The following ALMS1 variants were observed in gnomAD, a reference collection of about 807,000 sequenced individuals.
The protein encoded by ALMS1 is centrosome-associated protein ALMS1.
A neutral mutation model predicts 352.2 loss-of-function variants in ALMS1; 271 were observed. The ratio of observed to expected loss-of-function variants is 0.77; its 90% CI spans 0.70 to 0.85. The LOEUF (loss-of-function observed/expected upper bound fraction) is 0.85, where lower values mean the gene tolerates loss of function less well. Among genes scored for constraint, ALMS1 ranks in the 40% least tolerant of loss-of-function variants. The pLI is 0.00. For missense variants in ALMS1, 5,445 were observed against 4,870.7 expected, an observed-to-expected ratio of 1.12 and a Z score of -3.51; for synonymous variants, 1,865 against 1,761.2, an observed-to-expected ratio of 1.06 and a Z score of -1.48.
intron 16 of ALMS1, among the ~76,000 whole-genome samples, chr2:73,580,792 G>T (rs1351145326): frequency 6.6e-6 from 1 of 152,162 alleles, no homozygotes; most frequent in Admixed American, 6.5e-5. Context: ...TGTTTGTAAC[G>T]ACTGTACTCT....
intron 15 of ALMS1, among the ~76,000 whole-genome samples, chr2:73,570,301 A>G (rs536043450): frequency 6.6e-6 from 1 of 152,330 alleles, no homozygotes; most frequent in African/African-American, 2.4e-5. Flanking sequence ...TGAAATGCAA[A>G]TTTGAAAATA....
At chr2:73,485,795 G>A (rs1057125474) in intron 9 of ALMS1, among the ~76,000 whole-genome samples, 2 of 152,118 alleles carry the variant, frequency 1.3e-5, no homozygotes, top group African/African-American at 4.8e-5. Flanking sequence ...TTTTTAAGCC[G>A]GTTGGAAAAG....
chr2:73,574,987 A>G (rs1225111618), intron 16 of ALMS1, among the ~76,000 whole-genome samples: 1 of 152,100 alleles, frequency 6.6e-6, no homozygotes, highest in Non-Finnish European at 1.5e-5. Context: ...GGATTTTCCT[A>G]TTCTGGTTGT....
At chr2:73,600,613 T>G in intron 17 of ALMS1, 65 bp from the exon 18 acceptor site, 1 of 1,460,450 alleles carries the variant, frequency 6.8e-7, no homozygotes, top group African/African-American at 1.4e-5. Context: ...ACGTACTCAC[T>G]TGAATAAATC....
At chr2:73,509,737 T>C (rs193081885) in intron 10 of ALMS1, among the ~76,000 whole-genome samples, 1 of 152,322 alleles carries the variant, frequency 6.6e-6, no homozygotes, top group African/African-American at 2.4e-5. Context: ...ATTATGTGTT[T>C]TGGGGTTGCT....
At chr2:73,395,036 A>G (rs946106557) in intron 1 of ALMS1, among the ~76,000 whole-genome samples, 34 of 105,368 alleles carry the variant, frequency 3.2e-4, no homozygotes, top group Admixed American at 7.8e-4. Flanking sequence ...GTGTATATAT[A>G]TGTGTGTGTA....
At chr2:73,586,348 G>A (rs1043277221) in intron 16 of ALMS1, among the ~76,000 whole-genome samples, 66 of 152,080 alleles carry the variant, frequency 4.3e-4, no homozygotes, top group African/African-American at 1.2e-3. Flanking sequence ...AGTTTTTCCA[G>A]TGTTATCTTA....
chr2:73,506,830 G>C (rs1431559959), intron 10 of ALMS1, among the ~76,000 whole-genome samples: 2 of 152,178 alleles, frequency 1.3e-5, no homozygotes, highest in South Asian at 2.1e-4. Context: ...AATAGCAGTG[G>C]TGAGAGGCCA....
intron 10 of ALMS1, among the ~76,000 whole-genome samples, chr2:73,493,419 AC>A (rs1673033503): frequency 6.6e-6 from 1 of 151,200 alleles, no homozygotes; most frequent in South Asian, 2.1e-4. Flanking sequence ...TATATATAAT[AC>A]CTTATAAAAT....
rs139569637 is a variant in ALMS1 at position 73,553,524 on chromosome 2, G to A, written c.10078+3087G>A. ...AGCTATGAGGATGAAGTAGGGATTG[G>A]CACATAGAAACTCAGAAAATGCAAA... On this transcript the variant is annotated intron_variant, in intron 13 of 22. Transcript: ENST00000613296. Among the ~76,000 whole-genome samples, 16 of 152,222 alleles carry A rather than the reference G, an allele frequency of 1.1e-4. No homozygotes were observed. The East Asian group carries it at 3.1e-3, about 29-fold the overall frequency.
At chr2:73,419,046 GAC>G in intron 2 of ALMS1, 75 bp from the exon 3 acceptor site, 2 of 1,214,716 alleles carry the variant, frequency 1.6e-6, no homozygotes, top group Admixed American at 3.5e-5. Context: ...TACATGAGTG[GAC>G]ATTTTCATCT....
At chr2:73,467,631 TG>T (rs1164063794) in intron 9 of ALMS1, among the ~76,000 whole-genome samples, 1 of 152,056 alleles carries the variant, frequency 6.6e-6, no homozygotes, top group Non-Finnish European at 1.5e-5. Flanking sequence ...TCAGTACATA[TG>T]TTCAGTAGAA....
chr2:73,402,932 C>T (rs575114629), intron 1 of ALMS1, among the ~76,000 whole-genome samples: 31 of 152,100 alleles, frequency 2.0e-4, no homozygotes, highest in Non-Finnish European at 4.6e-4. Flanking sequence ...ATTGTGGAAA[C>T]TGACTCCTTA....
At chr2:73,598,979 T>C (rs1379093629) in intron 16 of ALMS1, among the ~76,000 whole-genome samples, 1 of 152,222 alleles carries the variant, frequency 6.6e-6, no homozygotes, top group Admixed American at 6.5e-5. Context: ...TGTCTTAGTA[T>C]ACGTGTTTGA....
chr2:73,516,466 A>G (rs1673558361), intron 10 of ALMS1, among the ~76,000 whole-genome samples: 1 of 152,194 alleles, frequency 6.6e-6, no homozygotes, highest in Non-Finnish European at 1.5e-5. Flanking sequence ...AACAAAATAA[A>G]TCATTCTACT....
intron 1 of ALMS1, among the ~76,000 whole-genome samples, chr2:73,405,462 G>C (rs1670953844): frequency 6.6e-6 from 1 of 151,598 alleles, no homozygotes; most frequent in Admixed American, 6.6e-5. Flanking sequence ...TTAGTTATTT[G>C]AGGCCTTTTT....
At chr2:73,466,715 T>A (rs1395165927) in intron 9 of ALMS1, among the ~76,000 whole-genome samples, 2 of 152,078 alleles carry the variant, frequency 1.3e-5, no homozygotes, top group South Asian at 4.1e-4. Context: ...AAATTTGTGA[T>A]GTAGGAAATA....
At chr2:73,426,264 A>G (rs989990723) in intron 5 of ALMS1, among the ~76,000 whole-genome samples, 189 bp from the exon 6 acceptor site, 10 of 152,236 alleles carry the variant, frequency 6.6e-5, no homozygotes, top group Admixed American at 5.9e-4. Flanking sequence ...GCTTTTCAGC[A>G]AACTTGGTGG....
intron 12 of ALMS1, among the ~76,000 whole-genome samples, chr2:73,544,745 A>G (rs999936060): frequency 2.6e-5 from 4 of 152,196 alleles, no homozygotes; most frequent in Admixed American, 1.3e-4. Flanking sequence ...TTCAAGAGCT[A>G]TTTGTACACC....
Sources: allele counts gnomAD v4.1 joint callset (sites outside exome capture counted in the v4.1 genomes callset), GRCh38; gene constraint gnomAD v4.1.1; transcripts MANE v1.5; gene names NCBI Gene and HGNC (gene_info 2026-07-23, HGNC 2026-07-21).